The following TMX4 variants were observed in gnomAD, a reference collection of about 807,000 sequenced individuals.
TMX4 encodes thioredoxin related transmembrane protein 4.
A neutral mutation model predicts 33.3 loss-of-function variants in TMX4; 23 were observed. The ratio of observed to expected loss-of-function variants is 0.69; its 90% CI spans 0.50 to 0.98. The LOEUF (loss-of-function observed/expected upper bound fraction) is 0.98. Ranked by LOEUF, TMX4 falls within the 50% of genes least tolerant of loss-of-function variation. The pLI, the probability that TMX4 is intolerant of heterozygous loss-of-function variation, is 0.00. For missense variants in TMX4, 399 were observed against 448.9 expected (o/e 0.89, Z 1.01); for synonymous variants, 164 against 161.5 (o/e 1.02, Z -0.12).
At position 7,987,568 on chromosome 20, in the gene TMX4, G is replaced by A. The variant is rs143128369; in HGVS notation, c.514-179C>T. 1.5e-3 allele frequency among the ~76,000 whole-genome samples: 234 copies of A among 151,936 alleles called. 2 individuals carry two copies. In the Middle Eastern group the frequency reaches 0.027, roughly 18 times the overall value. The stretch of plus-strand genomic sequence containing the variant: ...TGGGAAACTGAGAGTAGTAATTAAG[G>A]TCATTACTAAAAAAAAAGTTATACT... On this transcript the variant is annotated intron_variant, in intron 5 of 7. Transcript: ENST00000246024.
At chr20:8,006,924 C>A (rs1161169865) in intron 2 of TMX4, among the ~76,000 whole-genome samples, 3 of 152,144 alleles carry the variant, frequency 2.0e-5, no homozygotes, top group Non-Finnish European at 4.4e-5. Context: ...TGCCACCACA[C>A]CCAGCTAATT....
chr20:8,019,755 G>C lies in TMX4; in HGVS notation c.-142C>G. On this transcript the variant is annotated 5_prime_UTR_variant, in exon 1 of 8. Coordinates refer to ENST00000246024, the MANE Select transcript of TMX4 (RefSeq NM_021156.4). The stretch of plus-strand genomic sequence containing the variant: ...CCTACGCCTAGCGGCGCAGACTGGC[G>C]GTGCTCGCAATGCCGCGGAGGACGC... 2.9e-6 allele frequency: 2 copies of C among 700,150 alleles called. No homozygotes were observed. The highest frequency in any genetic ancestry group is 8.8e-5 in the Admixed American group (2 of 22,638). 43.4% of individuals were successfully genotyped at this position (700,150 alleles called of 1,614,324 possible).
chr20:7,993,799 A>G (rs2050664964), intron 5 of TMX4, among the ~76,000 whole-genome samples: 1 of 151,940 alleles, frequency 6.6e-6, no homozygotes, highest in African/African-American at 2.4e-5. Context: ...ACACACACAC[A>G]CGGAGATCAA....
intron 5 of TMX4, among the ~76,000 whole-genome samples, chr20:7,991,609 C>T (rs2050655248): frequency 6.6e-6 from 1 of 152,152 alleles, no homozygotes; most frequent in Non-Finnish European, 1.5e-5. Flanking sequence ...ATATGCTGAG[C>T]AACTGCCACG....
At chr20:7,985,255 GTGTA>G (rs1436951431) in intron 6 of TMX4, among the ~76,000 whole-genome samples, 1 of 137,236 alleles carries the variant, frequency 7.3e-6, no homozygotes, top group Non-Finnish European at 1.5e-5. Flanking sequence ...ATGTGTGTGT[GTGTA>G]TATATATATA....
At position 7,979,298 on chromosome 20, in the gene TMX4, G is replaced by GA. The variant is rs1214300462; in HGVS notation, c.*2952dup. ...AAAGATATTAAATTAAATTTTGTTG[G>GA]AAAAAAACCCATCTTTGCCATGATG... On this transcript the variant is annotated 3_prime_UTR_variant, in exon 8 of 8. Transcript: ENST00000246024. The GA allele has an allele frequency of 6.6e-6, 1 of 151,708 alleles. No homozygotes were observed. Among genetic ancestry groups the GA allele is most frequent in the African/African-American group, 2.4e-5 (1 of 41,294 alleles). The allele number at this position is 151,708 out of a possible 1,614,324, so 9.4% of individuals were successfully genotyped here.
Position 7,983,848 on chromosome 20 carries a change from C to A in TMX4, c.625G>T (p.Val209Leu), listed in dbSNP as rs766745962. The stretch of plus-strand genomic sequence containing the variant: ...GGCACATAGAAACATTCTGATATTA[C>A]CACCAAGACCTGGAAGGAAAAAAGT... ...FGLFMGLVLV[V>L]ISECFYVPLP... is the part of the protein sequence containing the mutation. Residue 209 changes from valine to leucine, a missense_variant, in exon 7 of 8, where the codon GTA becomes TTA. By Grantham distance (32) the Val-to-Leu change is conservative. Transcript: ENST00000246024. 1 of 1,613,246 alleles carries A rather than the reference C, an allele frequency of 6.2e-7. No individual in the cohort carries two copies. Among genetic ancestry groups the A allele is most frequent in the South Asian group, 1.1e-5 (1 of 91,032 alleles).
chr20:8,008,982 T>C (rs1324930754), intron 2 of TMX4, among the ~76,000 whole-genome samples: 3 of 152,196 alleles, frequency 2.0e-5, no homozygotes, highest in African/African-American at 7.2e-5. Context: ...AAGTAACTGG[T>C]ACTTCATTAT....
chr20:8,019,164 A>G (rs2050798638), intron 1 of TMX4: 1 of 476,584 alleles, frequency 2.1e-6, no homozygotes, highest in East Asian at 4.6e-5. Flanking sequence ...CTCGGCTGTC[A>G]CCGCGAGGGC....
At position 7,985,051 on chromosome 20, in the gene TMX4, A is replaced by G. The variant is rs191257367; in HGVS notation, c.616-1194T>C. 1.4e-3 allele frequency among the ~76,000 whole-genome samples: 206 copies of G among 152,216 alleles called. No individual in the cohort carries two copies. The South Asian group carries it at 0.027, about 20-fold the overall frequency. On this transcript the variant is annotated intron_variant, in intron 6 of 7. Transcript: ENST00000246024. ...TCTATCATCCTAGAAGTTAACAAAA[A>G]TGTCATTCTGGAATAGGTGATTTAA... is the stretch of plus-strand genomic sequence containing the variant.
intron 7 of TMX4, 44 bp downstream of exon 7, chr20:7,983,750 G>A: frequency 6.4e-7 from 1 of 1,567,832 alleles, no homozygotes; most frequent in Admixed American, 1.7e-5. Flanking sequence ...GCACATCACA[G>A]AATTCCAAAA....
At position 7,980,830 on chromosome 20, in the gene TMX4, A is replaced by G. The variant is rs537407761; in HGVS notation, c.*1421T>C. Reference sequence around the variant, plus strand: ...CCCACCAGTGAGCTCCGTGCTCACAATTAATACAAGGAAAGGGTTATCTAA... The same window carrying G: ...CCCACCAGTGAGCTCCGTGCTCACAGTTAATACAAGGAAAGGGTTATCTAA... On this transcript the variant is annotated 3_prime_UTR_variant, in exon 8 of 8. Transcript: ENST00000246024. The G allele has an allele frequency of 1.3e-5, 2 of 152,384 alleles. No individual in the cohort carries two copies. The highest frequency in any genetic ancestry group is 6.5e-5 in the Admixed American group (1 of 15,308). The allele number at this position is 152,384 out of a possible 1,614,324, so 9.4% of individuals were successfully genotyped here. A position where few individuals can be genotyped will look rare whatever the true frequency, so the allele number is the denominator to read the frequency against.
At chr20:8,012,466 G>C (rs1404646578) in intron 1 of TMX4, among the ~76,000 whole-genome samples, 1 of 152,084 alleles carries the variant, frequency 6.6e-6, no homozygotes, top group East Asian at 1.9e-4. Flanking sequence ...ATAGAGATGT[G>C]CTTAAGACCA....
In TMX4 at chr20:7,985,929, C is replaced by T. The variant is rs191702201; in HGVS notation, c.615+1359G>A. ...CAACATCAAAAATAATATTCTAAAA[C>T]TCTAAGCATTTTCACTAGTCTTCCA... On this transcript the variant is annotated intron_variant, in intron 6 of 7. Transcript: ENST00000246024. Among the ~76,000 whole-genome samples the T allele has an allele frequency of 1.2e-3, 179 of 152,278 alleles. 3 individuals are homozygous for T. The highest frequency in any genetic ancestry group is 4.0e-3 in the African/African-American group (168 of 41,560).
At chr20:8,009,374 T>A (rs1289408005) in intron 2 of TMX4, among the ~76,000 whole-genome samples, 1 of 152,074 alleles carries the variant, frequency 6.6e-6, no homozygotes, top group African/African-American at 2.4e-5. Flanking sequence ...AAATTCACTC[T>A]CTGGAACCAC....
chr20:7,985,538 G>C (rs1046225768), intron 6 of TMX4, among the ~76,000 whole-genome samples: 2 of 152,010 alleles, frequency 1.3e-5, no homozygotes, highest in African/African-American at 4.8e-5. Flanking sequence ...CTCCCAGAGT[G>C]CCAGGATTAC....
At position 8,019,758 on chromosome 20, in the gene TMX4, G is replaced by C. The variant is rs2050806942; in HGVS notation, c.-145C>G. 1.5e-6 allele frequency: 1 copy of C among 648,272 alleles called. No individual in the cohort carries two copies. The highest frequency in any genetic ancestry group is 2.2e-6 in the Non-Finnish European group (1 of 450,998). The allele number at this position is 648,272 out of a possible 1,614,324, so 40.2% of individuals were successfully genotyped here. On this transcript the variant is annotated 5_prime_UTR_variant, in exon 1 of 8. Coordinates refer to ENST00000246024, the MANE Select transcript of TMX4 (RefSeq NM_021156.4). ...ACGCCTAGCGGCGCAGACTGGCGGT[G>C]CTCGCAATGCCGCGGAGGACGCCAC...
In TMX4 at chr20:7,999,849, C is replaced by T. The variant is rs201197684; in HGVS notation, c.350G>A (p.Gly117Glu). 1 of 1,612,134 alleles carries T rather than the reference C, an allele frequency of 6.2e-7. No individual in the cohort carries two copies. Among genetic ancestry groups the T allele is most frequent in the East Asian group, 2.2e-5 (1 of 44,750 alleles). Residue 117 changes from glycine (G) to glutamate (E), a missense_variant, in exon 4 of 8, where the codon GGG becomes GAG. Physicochemically the swap from Gly to Glu is moderately conservative, Grantham distance 98. Transcript: ENST00000246024. Reference protein sequence around the residue: ...TLPAFFHAKDGIFRRYRGPGI... With the variant: ...TLPAFFHAKDEIFRRYRGPGI... Reference sequence around the variant, plus strand: ...TGGGCCACGATAACGGCGGAATATCCCATCCTTTGCACTATAAATTATGAA... The same window carrying T: ...TGGGCCACGATAACGGCGGAATATCTCATCCTTTGCACTATAAATTATGAA...
intron 2 of TMX4, 29 bp downstream of exon 2, chr20:8,010,171 T>C (rs772777752): frequency 4.4e-6 from 7 of 1,573,816 alleles, no homozygotes; most frequent in Non-Finnish European, 6.1e-6. Flanking sequence ...CGGTAAACTT[T>C]TGCATTTTAT....
Sources: allele counts gnomAD v4.1 joint callset (sites outside exome capture counted in the v4.1 genomes callset), GRCh38; gene constraint gnomAD v4.1.1; transcripts MANE v1.5; gene names NCBI Gene and HGNC (gene_info 2026-07-23, HGNC 2026-07-21).